PDZRN4: variants seen among roughly 807,000 people sequenced by gnomAD.
PDZRN4 encodes the protein PDZ domain containing ring finger 4.
Under a neutral mutation model 99.0 loss-of-function variants are expected in PDZRN4, and 70 were observed. The observed-to-expected ratio is 0.71, with a 90% CI of 0.58 to 0.86. The LOEUF is 0.86. Ranked by LOEUF, PDZRN4 falls within the 40% of genes least tolerant of loss-of-function variation. The pLI, the probability that PDZRN4 is intolerant of heterozygous loss-of-function variation, is 0.00. For missense variants in PDZRN4, 1,474 were observed against 1,331.2 expected (o/e 1.11, Z -1.67); for synonymous variants, 551 against 501.6 (o/e 1.10, Z -1.32).
chr12:41,403,387 C>A (rs1565573729), intron 3 of PDZRN4, among the ~76,000 whole-genome samples: 1 of 152,042 alleles, frequency 6.6e-6, no homozygotes, highest in African/African-American at 2.4e-5. Flanking sequence ...ATTTTGAAAC[C>A]TCTTTTGCTC....
chr12:41,430,296 C>T (rs1313069310), intron 3 of PDZRN4, among the ~76,000 whole-genome samples: 1 of 152,060 alleles, frequency 6.6e-6, no homozygotes, highest in Non-Finnish European at 1.5e-5. Context: ...GGTGAAATCC[C>T]TGTCTCTACT....
intron 3 of PDZRN4, among the ~76,000 whole-genome samples, chr12:41,243,096 T>C (rs1407910241): frequency 3.9e-5 from 6 of 152,210 alleles, no homozygotes; most frequent in Non-Finnish European, 8.8e-5. Flanking sequence ...CAAAAAGTTT[T>C]TGAGTGTAGA....
chr12:41,197,014 A>G (rs1950777838), intron 3 of PDZRN4, among the ~76,000 whole-genome samples: 1 of 152,098 alleles, frequency 6.6e-6, no homozygotes, highest in African/African-American at 2.4e-5. Context: ...ACAATCTGAC[A>G]CATTACTAAA....
intron 3 of PDZRN4, among the ~76,000 whole-genome samples, chr12:41,384,282 A>G (rs954498831): frequency 3.3e-5 from 5 of 152,114 alleles, no homozygotes; most frequent in South Asian, 2.1e-4. Context: ...TTTAAAGGCT[A>G]TTTCTTCCAG....
At chr12:41,337,369 G>T (rs984710620) in intron 3 of PDZRN4, among the ~76,000 whole-genome samples, 13 of 151,976 alleles carry the variant, frequency 8.6e-5, no homozygotes, top group African/African-American at 2.9e-4. Flanking sequence ...TTTCTCAAAT[G>T]GTACCCACAG....
chr12:41,251,018 T>G (rs1433754699), intron 3 of PDZRN4, among the ~76,000 whole-genome samples: 1 of 152,204 alleles, frequency 6.6e-6, no homozygotes, highest in Non-Finnish European at 1.5e-5. Flanking sequence ...TTTTCAGGAT[T>G]GTACTGGTAA....
At position 41,530,232 on chromosome 12, in the gene PDZRN4, C is replaced by A. The variant is rs551683954; in HGVS notation, c.1203+20319C>A. Among the ~76,000 whole-genome samples the A allele has an allele frequency of 1.9e-4, 29 of 152,342 alleles. 1 individual carries two copies. The highest frequency in any genetic ancestry group is 6.7e-4 in the African/African-American group (28 of 41,584). On this transcript the variant is annotated intron_variant, in intron 5 of 9. Coordinates refer to ENST00000402685, the MANE Select transcript of PDZRN4 (RefSeq NM_001164595.2). ...GGAGCATGATCATGACATTGCAGTTCTGTGCATGCCTGAACCACTATTTTG... is the reference window on the plus strand; with the variant it reads ...GGAGCATGATCATGACATTGCAGTTATGTGCATGCCTGAACCACTATTTTG...
At chr12:41,516,148 A>G (rs375054602) in intron 5 of PDZRN4, among the ~76,000 whole-genome samples, 15 of 152,058 alleles carry the variant, frequency 9.9e-5, no homozygotes, top group Non-Finnish European at 2.1e-4. Flanking sequence ...CATGTACCGC[A>G]ATCTTTCCCA....
intron 3 of PDZRN4, among the ~76,000 whole-genome samples, chr12:41,284,383 C>T (rs74344388): frequency 0.015 from 2,343 of 152,190 alleles, 23 homozygotes; most frequent in Middle Eastern, 0.034. Flanking sequence ...AGAAAAACAT[C>T]CCATGCTGAT....
At chr12:41,195,803 CT>C (rs755562119) in intron 3 of PDZRN4, among the ~76,000 whole-genome samples, 1 of 152,148 alleles carries the variant, frequency 6.6e-6, no homozygotes, top group Non-Finnish European at 1.5e-5. Context: ...GGGCAACATA[CT>C]TTAAACAGAA....
chr12:41,433,460 GCTACGTGT>G (rs1952601859), intron 3 of PDZRN4, among the ~76,000 whole-genome samples: 1 of 152,170 alleles, frequency 6.6e-6, no homozygotes, highest in Admixed American at 6.5e-5. Flanking sequence ...ATGTTAGGCA[GCTACGTGT>G]CTACTAATAT....
intron 9 of PDZRN4, among the ~76,000 whole-genome samples, chr12:41,568,953 C>T (rs1020305812): frequency 1.7e-4 from 25 of 150,358 alleles, no homozygotes; most frequent in African/African-American, 5.6e-4. Context: ...TACAGATGCC[C>T]ACCACCATGC....
intron 3 of PDZRN4, among the ~76,000 whole-genome samples, chr12:41,505,167 A>G (rs1001776890): frequency 6.6e-6 from 1 of 152,104 alleles, no homozygotes; most frequent in Non-Finnish European, 1.5e-5. Flanking sequence ...GCTGCAACTC[A>G]GTGACTTCTT....
chr12:41,305,855 C>T (rs10880005), intron 3 of PDZRN4, among the ~76,000 whole-genome samples: 69,695 of 152,038 alleles, frequency 0.46, 18,647 homozygotes, highest in Middle Eastern at 0.64. Flanking sequence ...CCAGCATCAA[C>T]TTTTAAGTCT....
intron 3 of PDZRN4, among the ~76,000 whole-genome samples, chr12:41,488,830 G>A (rs902811553): frequency 1.3e-5 from 2 of 152,160 alleles, no homozygotes; most frequent in African/African-American, 4.8e-5. Flanking sequence ...GTGTTATAGT[G>A]TTTTATCTCT....
At chr12:41,308,186 G>A (rs1951584435) in intron 3 of PDZRN4, among the ~76,000 whole-genome samples, 1 of 151,526 alleles carries the variant, frequency 6.6e-6, no homozygotes, top group Non-Finnish European at 1.5e-5. Context: ...TTTTATTAAG[G>A]TAAAACTAAA....
rs1212828458 is a variant in PDZRN4, at chr12:41,402,140, T to TAC, written c.844-104309_844-104308dup. 1.1e-3 allele frequency among the ~76,000 whole-genome samples: 34 copies of TAC among 32,258 alleles called. 9 individuals carry two copies. Among genetic ancestry groups the TAC allele is most frequent in the African/African-American group, 7.5e-3 (28 of 3,758 alleles). The allele number at this position is 32,258 out of a possible 152,430, so 21.2% of individuals were successfully genotyped here. On this transcript the variant is annotated intron_variant, in intron 3 of 9. Coordinates refer to ENST00000402685, the MANE Select transcript of PDZRN4 (RefSeq NM_001164595.2). ...GTATATATATATATATATATATATA[T>TAC]ACACACACTGAGTATATATATATAT...
At chr12:41,359,457 C>A (rs1951950108) in intron 3 of PDZRN4, among the ~76,000 whole-genome samples, 2 of 152,010 alleles carry the variant, frequency 1.3e-5, no homozygotes, top group Non-Finnish European at 2.9e-5. Context: ...ACTTACTGCA[C>A]TGACATGGTT....
chr12:41,313,508 T>C (rs1320475528), intron 3 of PDZRN4, among the ~76,000 whole-genome samples: 1 of 152,194 alleles, frequency 6.6e-6, no homozygotes, highest in Non-Finnish European at 1.5e-5. Flanking sequence ...TCTGCTCATT[T>C]GTCCTGGTGC....
Sources: allele counts gnomAD v4.1 joint callset (sites outside exome capture counted in the v4.1 genomes callset), GRCh38; gene constraint gnomAD v4.1.1; transcripts MANE v1.5; gene names NCBI Gene and HGNC (gene_info 2026-07-23, HGNC 2026-07-21).